The following CDADC1 variants were observed in gnomAD, a reference collection of about 807,000 sequenced individuals.
The protein encoded by CDADC1 is dCTP deaminase.
In CDADC1, 39 loss-of-function variants were observed where a neutral mutation model predicts 54.9. The observed-to-expected ratio is 0.71, with a 90% CI of 0.55 to 0.93. The LOEUF is 0.93. CDADC1 is among the 40% of genes least tolerant of loss of function. CDADC1 has a pLI of 0.00. For missense variants in CDADC1, 518 were observed against 618.8 expected (o/e 0.84, Z 1.73); for synonymous variants, 186 against 204.0 (o/e 0.91, Z 0.75).
At chr13:49,280,441 G>T in intron 7 of CDADC1, 68 bp from the exon 8 acceptor site, 1 of 763,518 alleles carries the variant, frequency 1.3e-6, no homozygotes, top group Non-Finnish European at 1.9e-6. Flanking sequence ...AGTGTTTAAA[G>T]ATTTTTCTAA....
At chr13:49,250,933 C>T (rs996697085) in intron 2 of CDADC1, among the ~76,000 whole-genome samples, 1 of 152,076 alleles carries the variant, frequency 6.6e-6, no homozygotes, top group African/African-American at 2.4e-5. Flanking sequence ...TCTTCATTTC[C>T]TTCATTAATT....
Position 49,247,975 on chromosome 13 carries a change from T to C in CDADC1, c.-63T>C. 6.9e-7 allele frequency: 1 copy of C among 1,454,158 alleles called. No homozygotes were observed. Among genetic ancestry groups the C allele is most frequent in the Non-Finnish European group, 9.4e-7 (1 of 1,060,348 alleles). 90.1% of individuals were successfully genotyped at this position (1,454,158 alleles called of 1,614,324 possible). A position where few individuals can be genotyped will look rare whatever the true frequency, so the allele number is the denominator to read the frequency against. ...GAGAGGAGGCGAGAGGCGGGGGCGC[T>C]AGGGCCGAGATCATGTCTGACTGGG... On this transcript the variant is annotated 5_prime_UTR_variant, in exon 1 of 10. Coordinates refer to ENST00000251108, the MANE Select transcript of CDADC1 (RefSeq NM_030911.4).
chr13:49,277,434 C>CTAAATAAA (rs534048366), intron 6 of CDADC1, among the ~76,000 whole-genome samples: 4 of 151,926 alleles, frequency 2.6e-5, no homozygotes, highest in African/African-American at 9.7e-5. Flanking sequence ...GACCCTGTCT[C>CTAAATAAA]TAAATAAATA....
intron 2 of CDADC1, among the ~76,000 whole-genome samples, chr13:49,254,647 C>T (rs1593790692): frequency 1.3e-5 from 2 of 152,112 alleles, no homozygotes; most frequent in South Asian, 2.1e-4. Context: ...GTGATCTGTC[C>T]GCCTTAGCCT....
Position 49,267,691 on chromosome 13 carries a change from AC to A in CDADC1, c.633del (p.Phe212LeufsTer25). 6.2e-7 allele frequency: 1 copy of A among 1,612,916 alleles called. No homozygotes were observed. Among genetic ancestry groups the A allele is most frequent in the Non-Finnish European group, 8.5e-7 (1 of 1,179,622 alleles). ...QFVEETSYKC[D>X]FIQKITKTLP... is the part of the protein sequence containing the mutation. ...GTAGAGGAGACCTCTTACAAATGTG[AC>A]TTTATTCAAAAAATTACAAAAACAT... On this transcript the variant is annotated frameshift_variant, in exon 5 of 10. Coordinates refer to ENST00000251108, the MANE Select transcript of CDADC1 (RefSeq NM_030911.4). LOFTEE classifies it high-confidence loss of function.
rs1953736596 is a variant in CDADC1 at position 49,292,393 on chromosome 13, C to G, written c.*636C>G. 8.1e-6 allele frequency: 8 copies of G among 993,256 alleles called. No homozygotes were observed. The highest frequency in any genetic ancestry group is 9.6e-6 in the Non-Finnish European group (8 of 834,480). The allele number at this position is 993,256 out of a possible 1,614,324, so 61.5% of individuals were successfully genotyped here. A position where few individuals can be genotyped will look rare whatever the true frequency, so the allele number is the denominator to read the frequency against. On this transcript the variant is annotated 3_prime_UTR_variant, in exon 10 of 10. Coordinates refer to ENST00000251108, the MANE Select transcript of CDADC1 (RefSeq NM_030911.4). The stretch of plus-strand genomic sequence containing the variant: ...GTAGCAATAGGAAGAGAGTGTTATT[C>G]TGAGACAGTGTCGCTGCTTGATATC...
At chr13:49,266,108 C>A in intron 4 of CDADC1, 1 of 305,194 alleles carries the variant, frequency 3.3e-6, no homozygotes, top group Non-Finnish European at 6.0e-6. Context: ...TTTAGTTCAT[C>A]AATTATTTTG....
At chr13:49,249,002 C>T in intron 2 of CDADC1, 37 bp downstream of exon 2, 1 of 1,358,628 alleles carries the variant, frequency 7.4e-7, no homozygotes, top group Non-Finnish European at 1.1e-6. Context: ...CTTAGAAAAG[C>T]AGTGGTTTAA....
At chr13:49,281,710 A>G (rs941442077) in intron 8 of CDADC1, among the ~76,000 whole-genome samples, 1 of 152,018 alleles carries the variant, frequency 6.6e-6, no homozygotes, top group Non-Finnish European at 1.5e-5. Context: ...GGTCACCCCC[A>G]CCCCCAAACA....
chr13:49,260,790 C>A (rs1383478713), intron 4 of CDADC1, among the ~76,000 whole-genome samples: 1 of 151,860 alleles, frequency 6.6e-6, no homozygotes, highest in Non-Finnish European at 1.5e-5. Context: ...TATTTGGGGG[C>A]CAAAATAACA....
intron 8 of CDADC1, 122 bp downstream of exon 8, chr13:49,280,820 T>TATTATTATG: frequency 4.5e-6 from 1 of 220,430 alleles, no homozygotes; most frequent in Non-Finnish European, 8.5e-6. Context: ...TTATTATTAT[T>TATTATTATG]ATTATTATTA....
At chr13:49,288,590 A>G (rs1380300323) in intron 9 of CDADC1, among the ~76,000 whole-genome samples, 2 of 152,212 alleles carry the variant, frequency 1.3e-5, no homozygotes, top group African/African-American at 4.8e-5. Context: ...TTCAGTTGAG[A>G]AATAGACACC....
At chr13:49,259,628 A>T (rs751059489) in intron 4 of CDADC1, 105 bp downstream of exon 4, 1 of 1,107,132 alleles carries the variant, frequency 9.0e-7, no homozygotes, top group Non-Finnish European at 1.3e-6. Context: ...AGGCAGGAGG[A>T]TCGCCTGAGC....
At chr13:49,266,110 A>G (rs538147041) in intron 4 of CDADC1, 25 of 300,182 alleles carry the variant, frequency 8.3e-5, no homozygotes, top group Non-Finnish European at 1.4e-4. Context: ...TAGTTCATCA[A>G]TTATTTTGAA....
chr13:49,265,223 G>A (rs904799372), intron 4 of CDADC1, among the ~76,000 whole-genome samples: 5 of 152,106 alleles, frequency 3.3e-5, no homozygotes, highest in Admixed American at 3.3e-4. Context: ...ATTTATTTAA[G>A]TACTTTGATT....
intron 2 of CDADC1, among the ~76,000 whole-genome samples, chr13:49,254,222 C>G (rs933855185): frequency 6.6e-6 from 1 of 152,186 alleles, no homozygotes; most frequent in Non-Finnish European, 1.5e-5. Flanking sequence ...ATCACTTCCT[C>G]TACTTCCTGT....
At chr13:49,282,657 A>G (rs1953383213) in intron 8 of CDADC1, among the ~76,000 whole-genome samples, 1 of 152,200 alleles carries the variant, frequency 6.6e-6, no homozygotes, top group African/African-American at 2.4e-5. Context: ...AATGTCTTAT[A>G]TAGCAGGTTT....
intron 2 of CDADC1, among the ~76,000 whole-genome samples, 181 bp from the exon 3 acceptor site, chr13:49,255,658 T>G (rs1166815121): frequency 6.6e-6 from 1 of 152,198 alleles, no homozygotes; most frequent in East Asian, 1.9e-4. Flanking sequence ...TTATAAAGGT[T>G]TATTTACTAG....
intron 4 of CDADC1, 29 bp from the exon 5 acceptor site, chr13:49,267,461 A>ATAAT (rs747260368): frequency 6.4e-7 from 1 of 1,570,210 alleles, no homozygotes; most frequent in African/African-American, 1.4e-5. Flanking sequence ...CATGTATCTC[A>ATAAT]TAATTACCTT....
Sources: gnomAD v4.1 joint callset for allele counts (sites outside exome capture counted in the v4.1 genomes callset) on GRCh38, gnomAD v4.1.1 for gene constraint, MANE v1.5 for transcripts, NCBI Gene and HGNC (gene_info 2026-07-23, HGNC 2026-07-21) for gene names.